Variants in AUTS2 observed in about 807,000 individuals in gnomAD.
AUTS2 encodes autism susceptibility gene 2 protein.
AUTS2 carries 17 observed loss-of-function variants against 112.4 expected under a neutral mutation model. The ratio of observed to expected loss-of-function variants is 0.15; its 90% confidence interval spans 0.10 to 0.23. AUTS2 has a LOEUF of 0.23. AUTS2 is among the 10% of genes least tolerant of loss of function. The pLI, the probability that AUTS2 is intolerant of heterozygous loss-of-function variation, is 1.00. For synonymous variants in AUTS2, 751 were observed against 702.7 expected, an observed-to-expected ratio of 1.07 and a Z score of -1.09; for missense variants, 1,510 against 1,701.6, an observed-to-expected ratio of 0.89 and a Z score of 1.98.
At chr7:69,903,900 T>C (rs1584418588) in intron 2 of AUTS2, among the ~76,000 whole-genome samples, 1 of 152,186 alleles carries the variant, frequency 6.6e-6, no homozygotes, top group East Asian at 1.9e-4. Flanking sequence ...GTATTTCTTT[T>C]TAGGAATAAA....
intron 2 of AUTS2, among the ~76,000 whole-genome samples, chr7:70,100,016 A>C (rs1028258471): frequency 6.6e-6 from 1 of 152,184 alleles, no homozygotes; most frequent in Non-Finnish European, 1.5e-5. Flanking sequence ...AAAAAATGAC[A>C]AATATGTATT....
chr7:69,895,543 T>TCCCCC (rs3043573), intron 1 of AUTS2, among the ~76,000 whole-genome samples: 2 of 131,956 alleles, frequency 1.5e-5, no homozygotes, highest in African/African-American at 5.8e-5. Flanking sequence ...TCTCTCTTCT[T>TCCCCC]CCCCCCCCCC....
At chr7:70,497,309 T>C (rs1562995637) in intron 5 of AUTS2, among the ~76,000 whole-genome samples, 4 of 149,326 alleles carry the variant, frequency 2.7e-5, no homozygotes, top group Non-Finnish European at 5.9e-5. Context: ...TCAGCGTCGA[T>C]CACACACCCC....
At chr7:70,359,626 G>T (rs1490429901) in intron 4 of AUTS2, among the ~76,000 whole-genome samples, 1 of 152,100 alleles carries the variant, frequency 6.6e-6, no homozygotes, top group Admixed American at 6.5e-5. Context: ...ATTCCCTGGA[G>T]AGTGAGAACT....
At chr7:70,232,725 C>G (rs919174908) in intron 4 of AUTS2, among the ~76,000 whole-genome samples, 6 of 152,138 alleles carry the variant, frequency 3.9e-5, no homozygotes, top group Non-Finnish European at 5.9e-5. Context: ...AGTGTTTTTC[C>G]TTATCTCTGT....
chr7:69,618,965 T>C (rs1170854683), intron 1 of AUTS2, among the ~76,000 whole-genome samples: 2 of 152,018 alleles, frequency 1.3e-5, no homozygotes, highest in Non-Finnish European at 2.9e-5. Context: ...CCCACCTCTA[T>C]CATCAGAATT....
intron 6 of AUTS2, among the ~76,000 whole-genome samples, chr7:70,706,304 CAG>C (rs1027824684): frequency 7.9e-5 from 12 of 152,290 alleles, no homozygotes; most frequent in Admixed American, 3.3e-4. Context: ...GAGACAGAAA[CAG>C]AGAATGCCTC....
At chr7:69,797,728 A>G (rs1789908946) in intron 1 of AUTS2, among the ~76,000 whole-genome samples, 1 of 152,076 alleles carries the variant, frequency 6.6e-6, no homozygotes, top group African/African-American at 2.4e-5. Context: ...CTATAAGGTT[A>G]TGTCTTCACC....
At chr7:69,845,822 A>G (rs1248082412) in intron 1 of AUTS2, among the ~76,000 whole-genome samples, 1 of 152,104 alleles carries the variant, frequency 6.6e-6, no homozygotes, top group African/African-American at 2.4e-5. Flanking sequence ...TTTTCCACCA[A>G]TCCAATCAAA....
At chr7:70,663,622 G>A (rs1807187328) in intron 5 of AUTS2, among the ~76,000 whole-genome samples, 1 of 151,616 alleles carries the variant, frequency 6.6e-6, no homozygotes, top group African/African-American at 2.4e-5. Context: ...CCCAATCATG[G>A]GGAGGAAGAC....
chr7:70,354,956 CTG>C (rs369428637), intron 4 of AUTS2, among the ~76,000 whole-genome samples: 53 of 146,888 alleles, frequency 3.6e-4, no homozygotes, highest in South Asian at 6.5e-4. Context: ...GAAAGGGCTG[CTG>C]TGTGTGTGTG....
In AUTS2 at chr7:70,062,341, T is replaced by A. The variant is rs113265749; in HGVS notation, c.523-55791T>A. 4.2e-3 allele frequency among the ~76,000 whole-genome samples: 640 copies of A among 151,550 alleles called. 8 individuals carry two copies. The highest frequency in any genetic ancestry group is 0.015 in the African/African-American group (601 of 41,330). On this transcript the variant is annotated intron_variant, in intron 2 of 18. Coordinates refer to ENST00000342771, the MANE Select transcript of AUTS2 (RefSeq NM_015570.4). ...CTGGCCAACCAACGTGATGAAACCC[T>A]GTCTCTACTAAAAATACAAAAATTA...
chr7:69,821,916 C>CAAAA (rs34912846), intron 1 of AUTS2, among the ~76,000 whole-genome samples: 24 of 76,806 alleles, frequency 3.1e-4, no homozygotes, highest in African/African-American at 1.0e-3. Context: ...ACAGGGTCTC[C>CAAAA]AAAAAAAAAA....
chr7:70,187,063 C>T (rs1034053283), intron 4 of AUTS2, among the ~76,000 whole-genome samples: 1 of 152,214 alleles, frequency 6.6e-6, no homozygotes, highest in East Asian at 1.9e-4. Flanking sequence ...CTCTTCTATG[C>T]ACTGCCTTTG....
intron 5 of AUTS2, among the ~76,000 whole-genome samples, chr7:70,637,190 C>T: frequency 6.6e-6 from 1 of 152,154 alleles, no homozygotes; most frequent in Non-Finnish European, 1.5e-5. Flanking sequence ...ATGTTCTTAA[C>T]CATTATGCTT....
chr7:70,070,720 G>A (rs1164635685), intron 2 of AUTS2, among the ~76,000 whole-genome samples: 1 of 151,426 alleles, frequency 6.6e-6, no homozygotes, highest in Non-Finnish European at 1.5e-5. Flanking sequence ...CAAAAAATTA[G>A]CCGAGCATGG....
intron 5 of AUTS2, among the ~76,000 whole-genome samples, chr7:70,689,140 T>C (rs1395339843): frequency 1.3e-5 from 2 of 151,532 alleles, no homozygotes; most frequent in Admixed American, 6.6e-5. Context: ...GAGGATCACT[T>C]GAGGCCACGA....
At chr7:69,886,023 T>C (rs187904541) in intron 1 of AUTS2, among the ~76,000 whole-genome samples, 220 of 152,322 alleles carry the variant, frequency 1.4e-3, no homozygotes, top group African/African-American at 5.1e-3. Flanking sequence ...CTCCACTGAA[T>C]TGATGAATTC....
chr7:70,545,442 A>G (rs938228000), intron 5 of AUTS2, among the ~76,000 whole-genome samples: 8 of 152,218 alleles, frequency 5.3e-5, no homozygotes, highest in Non-Finnish European at 1.2e-4. Context: ...ACCCATATAA[A>G]GTGAATACTT....
Sources: gnomAD v4.1 joint callset for allele counts (sites outside exome capture counted in the v4.1 genomes callset) on GRCh38, gnomAD v4.1.1 for gene constraint, MANE v1.5 for transcripts, NCBI Gene and HGNC (gene_info 2026-07-23, HGNC 2026-07-21) for gene names.